The following UTS2 variants were observed in gnomAD, a reference collection of about 807,000 sequenced individuals.
The protein encoded by UTS2 is urotensin-2.
UTS2 carries 10 observed loss-of-function variants against 12.6 expected under a neutral mutation model. The observed-to-expected ratio is 0.80, with a 90% CI of 0.49 to 1.35. The LOEUF (loss-of-function observed/expected upper bound fraction) is 1.35, where lower values mean the gene tolerates loss of function less well. Among genes scored for constraint, UTS2 ranks in the 40% most tolerant of loss-of-function variants. UTS2 has a pLI of 0.00. For missense variants in UTS2, 142 were observed against 143.2 expected, an observed-to-expected ratio of 0.99 and a Z score of 0.04; for synonymous variants, 52 against 50.0, an observed-to-expected ratio of 1.04 and a Z score of -0.17.
the UTS2 span, among the ~76,000 whole-genome samples, chr1:7,907,166 G>T: frequency 6.6e-6 from 1 of 152,172 alleles, no homozygotes; most frequent in East Asian, 1.9e-4. Flanking sequence ...TGAGGCGAGA[G>T]AATTGCTTGA....
the UTS2 span, among the ~76,000 whole-genome samples, chr1:7,899,335 C>T: frequency 3.3e-5 from 5 of 152,144 alleles, no homozygotes; most frequent in Non-Finnish European, 7.4e-5. Context: ...CTACAGCGAT[C>T]GTGACCATCT....
the UTS2 span, among the ~76,000 whole-genome samples, chr1:7,894,053 G>A: frequency 9.2e-3 from 1,398 of 151,868 alleles, 20 homozygotes; most frequent in African/African-American, 0.032. Context: ...GTCACTCTGC[G>A]TCTTGCCAAA....
At chr1:7,896,922 T>G in the UTS2 span, among the ~76,000 whole-genome samples, 1 of 151,978 alleles carries the variant, frequency 6.6e-6, no homozygotes, top group Admixed American at 6.6e-5. Context: ...GGTCCTGAAC[T>G]CCTGACCTCA....
chr1:7,912,959 C>T, the UTS2 span, among the ~76,000 whole-genome samples: 1 of 150,942 alleles, frequency 6.6e-6, no homozygotes, highest in Non-Finnish European at 1.5e-5. Context: ...CCACTTCCTA[C>T]TTTGCCCTTT....
intron 3 of UTS2, 23 bp downstream of exon 3, chr1:7,849,617 A>C: frequency 6.3e-7 from 1 of 1,596,078 alleles, no homozygotes; most frequent in Non-Finnish European, 8.6e-7. Flanking sequence ...TTTTAAACCT[A>C]ACTCATAAAT....
the UTS2 span, among the ~76,000 whole-genome samples, chr1:7,861,885 G>A: frequency 4.9e-4 from 75 of 151,996 alleles, no homozygotes; most frequent in Non-Finnish European, 2.6e-4. Context: ...GGTGCCAATG[G>A]CCAGAATACT....
the UTS2 span, among the ~76,000 whole-genome samples, chr1:7,871,725 G>A: frequency 2.0e-5 from 3 of 151,922 alleles, no homozygotes; most frequent in African/African-American, 4.8e-5. Context: ...TTATTATATC[G>A]CTGAGGTGAC....
chr1:7,854,043 A>T (rs1273582402), upstream of UTS2, among the ~76,000 whole-genome samples: 1 of 152,118 alleles, frequency 6.6e-6, no homozygotes, highest in Non-Finnish European at 1.5e-5. Context: ...CAGCCTGGGC[A>T]ACATAGAGAA....
the UTS2 span, among the ~76,000 whole-genome samples, chr1:7,874,054 AAAG>A: frequency 6.6e-6 from 1 of 152,188 alleles, no homozygotes; most frequent in Non-Finnish European, 1.5e-5. Context: ...AGCAGCTTAG[AAAG>A]AACACTGGAA....
the UTS2 span, among the ~76,000 whole-genome samples, chr1:7,862,447 A>G: frequency 1.3e-5 from 2 of 151,214 alleles, no homozygotes; most frequent in Admixed American, 1.3e-4. Context: ...GGTTTTTGCC[A>G]TTACTTTCAA....
chr1:7,902,992 C>T, the UTS2 span, among the ~76,000 whole-genome samples: 2 of 142,476 alleles, frequency 1.4e-5, no homozygotes, highest in Non-Finnish European at 3.0e-5. Flanking sequence ...GGCTTTTCTC[C>T]CTCCCTCCCT....
At chr1:7,877,783 G>T in the UTS2 span, among the ~76,000 whole-genome samples, 1 of 152,114 alleles carries the variant, frequency 6.6e-6, no homozygotes, top group Non-Finnish European at 1.5e-5. Context: ...TGAGGCAAGA[G>T]AATCGCTTGA....
chr1:7,863,055 ATT>A, the UTS2 span, among the ~76,000 whole-genome samples: 2,837 of 71,908 alleles, frequency 0.039, 147 homozygotes, highest in Middle Eastern at 0.083. Flanking sequence ...ATTGTATTGT[ATT>A]GTATTGTATT....
the UTS2 span, among the ~76,000 whole-genome samples, chr1:7,885,099 C>T: frequency 6.7e-6 from 1 of 150,010 alleles, no homozygotes; most frequent in Admixed American, 6.7e-5. Context: ...CACCCATCAT[C>T]CATGCATCCA....
chr1:7,848,794 A>G (rs2097410611), intron 3 of UTS2, among the ~76,000 whole-genome samples: 1 of 152,084 alleles, frequency 6.6e-6, no homozygotes, highest in Admixed American at 6.6e-5. Context: ...TGGGATGACA[A>G]GTGTGAGCCA....
the UTS2 span, among the ~76,000 whole-genome samples, chr1:7,909,766 GCCCA>G: frequency 5.3e-5 from 8 of 151,678 alleles, no homozygotes; most frequent in African/African-American, 1.7e-4. Flanking sequence ...GACTACAGGC[GCCCA>G]CCACCACGCC....
At chr1:7,854,827 G>A (rs1638274168), upstream of UTS2, among the ~76,000 whole-genome samples, 1 of 152,078 alleles carries the variant, frequency 6.6e-6, no homozygotes, top group African/African-American at 2.4e-5. Context: ...CACAATGTAT[G>A]CATATATCAA....
At chr1:7,849,503 G>A (rs997758834) in intron 3 of UTS2, 137 bp downstream of exon 3, 6 of 756,110 alleles carry the variant, frequency 7.9e-6, no homozygotes, top group Admixed American at 3.6e-5. Flanking sequence ...GAGCTACCGC[G>A]CCTGGTCATG....
At chr1:7,909,893 C>T in the UTS2 span, among the ~76,000 whole-genome samples, 1 of 152,126 alleles carries the variant, frequency 6.6e-6, no homozygotes, top group Non-Finnish European at 1.5e-5. Flanking sequence ...AGATTACAGG[C>T]GTGAGCCACC....
Sources: allele counts gnomAD v4.1 joint callset (sites outside exome capture counted in the v4.1 genomes callset), GRCh38; gene constraint gnomAD v4.1.1; transcripts MANE v1.5; gene names NCBI Gene and HGNC (gene_info 2026-07-23, HGNC 2026-07-21).